The following EXOC6B variants were observed in gnomAD, a reference collection of about 807,000 sequenced individuals.
EXOC6B encodes SEC15 homolog B.
Under a neutral mutation model 113.5 loss-of-function variants are expected in EXOC6B, and 54 were observed. That is an observed-to-expected ratio of 0.48 (90% confidence interval 0.38 to 0.60). The LOEUF is 0.60. Ranked by LOEUF, EXOC6B falls within the 20% of genes least tolerant of loss-of-function variation. EXOC6B has a pLI of 0.00. For synonymous variants in EXOC6B, 357 were observed against 339.0 expected, an observed-to-expected ratio of 1.05 and a Z score of -0.58; for missense variants, 797 against 977.5, an observed-to-expected ratio of 0.82 and a Z score of 2.46.
chr2:72,682,777 T>C (rs530486931), intron 6 of EXOC6B, among the ~76,000 whole-genome samples: 1 of 152,242 alleles, frequency 6.6e-6, no homozygotes, highest in South Asian at 2.1e-4. Context: ...ACATACAAAG[T>C]AGAAAGGTTA....
At chr2:72,215,388 T>G (rs1006425229) in intron 20 of EXOC6B, among the ~76,000 whole-genome samples, 10 of 152,170 alleles carry the variant, frequency 6.6e-5, no homozygotes, top group African/African-American at 2.4e-4. Context: ...CTCCTTCACA[T>G]TATCTCACCA....
chr2:72,420,404 C>G (rs531628183), intron 18 of EXOC6B, among the ~76,000 whole-genome samples: 7 of 152,266 alleles, frequency 4.6e-5, no homozygotes, highest in Admixed American at 2.6e-4. Context: ...CACCCCTAAA[C>G]AGGCCCCAGT....
At chr2:72,614,098 G>A (rs75470279) in intron 6 of EXOC6B, among the ~76,000 whole-genome samples, 2,355 of 152,134 alleles carry the variant, frequency 0.015, 82 homozygotes, top group African/African-American at 0.054. Context: ...CTATCTGGCC[G>A]TTTATGGAAA....
At chr2:72,377,899 T>A (rs1691450430) in intron 19 of EXOC6B, among the ~76,000 whole-genome samples, 1 of 152,022 alleles carries the variant, frequency 6.6e-6, no homozygotes, top group African/African-American at 2.4e-5. Flanking sequence ...ACTAGCTCAA[T>A]TTAGCCACTC....
intron 18 of EXOC6B, among the ~76,000 whole-genome samples, chr2:72,442,990 C>A (rs1696302258): frequency 6.6e-6 from 1 of 152,110 alleles, no homozygotes; most frequent in South Asian, 2.1e-4. Context: ...TCAAACTATA[C>A]TACACGGCTA....
chr2:72,785,107 C>T (rs917330435), intron 1 of EXOC6B, among the ~76,000 whole-genome samples: 1 of 152,156 alleles, frequency 6.6e-6, no homozygotes, highest in Non-Finnish European at 1.5e-5. Context: ...TTTAAAGCTC[C>T]AAAATTATCT....
intron 18 of EXOC6B, among the ~76,000 whole-genome samples, chr2:72,397,038 A>T (rs1404595631): frequency 6.6e-6 from 1 of 151,890 alleles, no homozygotes; most frequent in African/African-American, 2.4e-5. Context: ...GTTCTCCCTT[A>T]TACCCCAATA....
intron 18 of EXOC6B, among the ~76,000 whole-genome samples, chr2:72,398,696 C>CAAA (rs773438899): frequency 1.0e-5 from 1 of 98,530 alleles, no homozygotes; most frequent in Non-Finnish European, 2.1e-5. Flanking sequence ...GACTCTATCT[C>CAAA]AAAAAAAAAA....
At chr2:72,749,930 T>C (rs924178161) in intron 1 of EXOC6B, among the ~76,000 whole-genome samples, 6 of 151,826 alleles carry the variant, frequency 4.0e-5, no homozygotes, top group Admixed American at 3.9e-4. Context: ...CTAATAAATG[T>C]AAGTAACCTC....
intron 20 of EXOC6B, among the ~76,000 whole-genome samples, chr2:72,235,093 C>T (rs1681874213): frequency 6.6e-6 from 1 of 152,132 alleles, no homozygotes; most frequent in Non-Finnish European, 1.5e-5. Flanking sequence ...AAGATGCAAG[C>T]ATGTGTATGT....
At chr2:72,244,023 G>C (rs1682495343) in intron 20 of EXOC6B, among the ~76,000 whole-genome samples, 1 of 152,168 alleles carries the variant, frequency 6.6e-6, no homozygotes, top group African/African-American at 2.4e-5. Flanking sequence ...TAAGAAAACA[G>C]CTGAACTGAA....
chr2:72,315,000 A>G (rs1687428427), intron 20 of EXOC6B, among the ~76,000 whole-genome samples: 2 of 152,222 alleles, frequency 1.3e-5, no homozygotes, highest in Admixed American at 1.3e-4. Flanking sequence ...ATACTACAAG[A>G]TGATACATTC....
At chr2:72,299,899 C>G (rs1050937496) in intron 20 of EXOC6B, among the ~76,000 whole-genome samples, 1 of 152,138 alleles carries the variant, frequency 6.6e-6, no homozygotes, top group African/African-American at 2.4e-5. Context: ...GCTGCCTGTT[C>G]CTTCCTCTGG....
At chr2:72,319,105 T>C (rs184929595) in intron 20 of EXOC6B, among the ~76,000 whole-genome samples, 19 of 151,974 alleles carry the variant, frequency 1.3e-4, no homozygotes, top group Non-Finnish European at 2.6e-4. Flanking sequence ...GCTTTAGATA[T>C]GAATATATAA....
chr2:72,379,868 T>A lies in EXOC6B; in HGVS notation c.1983A>T (p.Gly661=). The change falls in exon 19 of 22, where the codon GGA becomes GGT. Residue 661 remains glycine (G), a splice_region_variant and synonymous_variant. Transcript: ENST00000272427. ...STFAVFTHLP[G]KVAQTACMSA... is the part of the protein sequence containing the mutation. Reference sequence around the variant, plus strand: ...ACATACACGCTGTCTGGGCCACCTTTCCCTGAAACACAAGAGTGTAAATCA... The same window carrying A: ...ACATACACGCTGTCTGGGCCACCTTACCCTGAAACACAAGAGTGTAAATCA... 6.2e-7 allele frequency: 1 copy of A among 1,604,856 alleles called. No individual in the cohort carries two copies. Among genetic ancestry groups the A allele is most frequent in the Non-Finnish European group, 8.5e-7 (1 of 1,175,270 alleles).
intron 20 of EXOC6B, among the ~76,000 whole-genome samples, chr2:72,230,952 CAAAAG>C (rs1019746017): frequency 1.4e-4 from 22 of 152,098 alleles, no homozygotes; most frequent in African/African-American, 5.3e-4. Flanking sequence ...TTAAAAACGT[CAAAAG>C]AAACAGTTAA....
rs112179573 is a variant in EXOC6B, at chr2:72,818,863, T to G, written c.113+6935A>C. Among the ~76,000 whole-genome samples, 100 of 152,340 alleles carry G rather than the reference T, an allele frequency of 6.6e-4. 1 individual carries two copies. The highest frequency in any genetic ancestry group is 2.2e-3 in the African/African-American group (90 of 41,582). On this transcript the variant is annotated intron_variant, in intron 1 of 21. Transcript: ENST00000272427. ...CCTCACAGAGAGCCATATGGCTTGT[T>G]GCTTCACTCTATTCAAACCTTTGCC...
At chr2:72,729,002 A>C (rs1680474966) in intron 5 of EXOC6B, among the ~76,000 whole-genome samples, 1 of 152,192 alleles carries the variant, frequency 6.6e-6, no homozygotes, top group African/African-American at 2.4e-5. Flanking sequence ...TATCTATTTT[A>C]TTCACAGCTG....
chr2:72,453,181 A>G (rs1697010525), intron 18 of EXOC6B, among the ~76,000 whole-genome samples: 1 of 152,164 alleles, frequency 6.6e-6, no homozygotes, highest in Non-Finnish European at 1.5e-5. Flanking sequence ...ACCTACCTAT[A>G]CCTAAATTTA....
Sources: allele counts gnomAD v4.1 joint callset (sites outside exome capture counted in the v4.1 genomes callset), GRCh38; gene constraint gnomAD v4.1.1; transcripts MANE v1.5; gene names NCBI Gene and HGNC (gene_info 2026-07-23, HGNC 2026-07-21).